Variants in MAN1A1 observed in about 807,000 individuals in gnomAD.
MAN1A1 encodes the protein mannosidase alpha class 1A member 1.
Under a neutral mutation model 70.8 loss-of-function variants are expected in MAN1A1, and 29 were observed. The ratio of observed to expected loss-of-function variants is 0.41; its 90% confidence interval spans 0.31 to 0.56. MAN1A1 has a LOEUF of 0.56. Among genes scored for constraint, MAN1A1 ranks in the 20% least tolerant of loss-of-function variants. The pLI is 0.29. For synonymous variants in MAN1A1, 349 were observed against 330.1 expected (o/e 1.06, Z -0.62); for missense variants, 747 against 841.3 (o/e 0.89, Z 1.39).
intron 6 of MAN1A1, among the ~76,000 whole-genome samples, chr6:119,221,045 C>T (rs555443984): frequency 2.0e-5 from 3 of 151,026 alleles, no homozygotes; most frequent in Non-Finnish European, 4.5e-5. Flanking sequence ...TTTTTTAATA[C>T]CCCCGAAGCA....
Position 119,177,349 on chromosome 6 carries a change from AAAAC to A in MAN1A1, c.*2466_*2469del, listed in dbSNP as rs1773032573. The A allele has an allele frequency of 1.3e-5, 2 of 152,284 alleles. No individual in the cohort carries two copies. Among genetic ancestry groups the A allele is most frequent in the Admixed American group, 1.3e-4 (2 of 15,300 alleles). 9.4% of individuals were successfully genotyped at this position (152,284 alleles called of 1,614,324 possible). ...ACAGAATGGATTTATGTAAAAATAAAAAACAATCAATGTACACAATGTGTAGCTC... is the reference window on the plus strand; with the variant it reads ...ACAGAATGGATTTATGTAAAAATAAAAATCAATGTACACAATGTGTAGCTC... On this transcript the variant is annotated 3_prime_UTR_variant, in exon 13 of 13. Coordinates refer to ENST00000368468, the MANE Select transcript of MAN1A1 (RefSeq NM_005907.4).
At chr6:119,189,966 G>A (rs1472485847) in intron 9 of MAN1A1, 83 bp from the exon 10 acceptor site, 4 of 1,019,688 alleles carry the variant, frequency 3.9e-6, no homozygotes, top group Non-Finnish European at 4.3e-6. Flanking sequence ...AAAAAAAAAA[G>A]AATAGAATAC....
intron 5 of MAN1A1, among the ~76,000 whole-genome samples, chr6:119,260,030 G>T (rs1270447839): frequency 1.3e-5 from 2 of 152,006 alleles, no homozygotes; most frequent in Non-Finnish European, 2.9e-5. Flanking sequence ...ATTTCATAAT[G>T]TTTTAAACCC....
intron 5 of MAN1A1, among the ~76,000 whole-genome samples, chr6:119,277,537 C>A (rs1776099497): frequency 3.9e-5 from 6 of 151,942 alleles, no homozygotes; most frequent in Admixed American, 3.9e-4. Context: ...TAGAATAAAT[C>A]CAGGCCAGGG....
At chr6:119,211,422 T>G (rs1407530740) in intron 6 of MAN1A1, among the ~76,000 whole-genome samples, 1 of 152,244 alleles carries the variant, frequency 6.6e-6, no homozygotes, top group Non-Finnish European at 1.5e-5. Context: ...ACGCACATGT[T>G]TTATCCCAAA....
At chr6:119,328,849 T>C (rs979405448) in intron 2 of MAN1A1, among the ~76,000 whole-genome samples, 1 of 152,252 alleles carries the variant, frequency 6.6e-6, no homozygotes, top group African/African-American at 2.4e-5. Context: ...AATGTTTGTA[T>C]GACAGTTAAT....
At chr6:119,317,276 C>T (rs1772879520) in intron 2 of MAN1A1, among the ~76,000 whole-genome samples, 2 of 152,088 alleles carry the variant, frequency 1.3e-5, no homozygotes, top group South Asian at 2.1e-4. Context: ...TACATTAAGG[C>T]TCACTCTTAG....
chr6:119,250,219 C>CT (rs1301400976), intron 5 of MAN1A1, among the ~76,000 whole-genome samples: 4 of 152,336 alleles, frequency 2.6e-5, no homozygotes, highest in Non-Finnish European at 5.9e-5. Flanking sequence ...TTCTACCCAA[C>CT]TTGTAAAAAC....
intron 2 of MAN1A1, among the ~76,000 whole-genome samples, chr6:119,316,736 A>G (rs961302144): frequency 2.0e-5 from 3 of 152,126 alleles, no homozygotes; most frequent in African/African-American, 7.2e-5. Context: ...AGATTTGTTT[A>G]TAGATTTGTC....
At position 119,179,314 on chromosome 6, in the gene MAN1A1, T is replaced by C. The variant is rs1401491647; in HGVS notation, c.*505A>G. On this transcript the variant is annotated 3_prime_UTR_variant, in exon 13 of 13. Transcript: ENST00000368468. ...TCTATCAAATAATGATAGACCTGCA[T>C]AAGGAGGCTGTCACAGAAGATCTGT... The C allele has an allele frequency of 1.3e-5, 2 of 152,844 alleles. No homozygotes were observed. The highest frequency in any genetic ancestry group is 4.8e-5 in the African/African-American group (2 of 41,440). 9.5% of individuals were successfully genotyped at this position (152,844 alleles called of 1,614,324 possible).
intron 2 of MAN1A1, among the ~76,000 whole-genome samples, chr6:119,330,941 C>T (rs1773293790): frequency 6.6e-6 from 1 of 152,172 alleles, no homozygotes; most frequent in Admixed American, 6.5e-5. Flanking sequence ...CCTCCTTACT[C>T]TCTACCCCTT....
chr6:119,247,819 T>A (rs1262878862), intron 6 of MAN1A1, among the ~76,000 whole-genome samples: 4 of 152,134 alleles, frequency 2.6e-5, no homozygotes, highest in Non-Finnish European at 4.4e-5. Context: ...ACCAGCTGCT[T>A]TTATGGGGGA....
intron 11 of MAN1A1, among the ~76,000 whole-genome samples, chr6:119,181,884 G>A (rs1773162812): frequency 6.6e-6 from 1 of 152,154 alleles, no homozygotes; most frequent in Non-Finnish European, 1.5e-5. Flanking sequence ...CATCTTCTGT[G>A]GATATACACC....
At chr6:119,276,916 G>A (rs1776081527) in intron 5 of MAN1A1, among the ~76,000 whole-genome samples, 1 of 152,006 alleles carries the variant, frequency 6.6e-6, no homozygotes, top group South Asian at 2.1e-4. Context: ...CTAATGTCAA[G>A]AATGAAAAAC....
intron 5 of MAN1A1, among the ~76,000 whole-genome samples, chr6:119,277,218 T>A (rs922530033): frequency 2.0e-5 from 3 of 152,176 alleles, no homozygotes; most frequent in African/African-American, 7.2e-5. Context: ...CATACTCAGA[T>A]ATATGACCTC....
At chr6:119,195,057 TCCTGA>T (rs995405842) in intron 8 of MAN1A1, among the ~76,000 whole-genome samples, 7 of 152,042 alleles carry the variant, frequency 4.6e-5, no homozygotes, top group African/African-American at 1.7e-4. Context: ...GGTTTTGAAC[TCCTGA>T]CCTGATGATC....
rs148716616 is a variant in MAN1A1, at chr6:119,320,224, C to T, written c.604-13232G>A. Among the ~76,000 whole-genome samples the T allele has an allele frequency of 1.6e-4, 24 of 152,030 alleles. 1 individual carries two copies. Among genetic ancestry groups the T allele is most frequent in the African/African-American group, 4.8e-4 (20 of 41,400 alleles). On this transcript the variant is annotated intron_variant, in intron 2 of 12. Coordinates refer to ENST00000368468, the MANE Select transcript of MAN1A1 (RefSeq NM_005907.4). ...CTTTACCTCGTGATCTGCCTGCCTC[C>T]GCCTCCCAAAGTGCTGGGATTACAG...
intron 5 of MAN1A1, among the ~76,000 whole-genome samples, chr6:119,260,284 A>G (rs923544293): frequency 6.6e-6 from 1 of 152,210 alleles, no homozygotes; most frequent in Admixed American, 6.5e-5. Flanking sequence ...CTATCACTGG[A>G]TACATTTCTG....
chr6:119,323,275 A>G (rs1773064608), intron 2 of MAN1A1, among the ~76,000 whole-genome samples: 2 of 152,200 alleles, frequency 1.3e-5, no homozygotes, highest in Admixed American at 1.3e-4. Context: ...CTATAGATTC[A>G]AAGTTGTAAT....
Sources: allele counts gnomAD v4.1 joint callset (sites outside exome capture counted in the v4.1 genomes callset), GRCh38; gene constraint gnomAD v4.1.1; transcripts MANE v1.5; gene names NCBI Gene and HGNC (gene_info 2026-07-23, HGNC 2026-07-21).